Variants in PIEZO1 observed in about 807,000 individuals in gnomAD.
PIEZO1 encodes piezo type mechanosensitive ion channel component 1 (Er blood group), also known as piezo-type mechanosensitive ion channel component 1.
PIEZO1 carries 296 observed loss-of-function variants against 297.2 expected under a neutral mutation model. The observed-to-expected ratio is 1.00, with a 90% CI of 0.91 to 1.10. The LOEUF (loss-of-function observed/expected upper bound fraction) is 1.10. Among genes scored for constraint, PIEZO1 ranks in the 50% least tolerant of loss-of-function variants. The pLI, the probability that PIEZO1 is intolerant of heterozygous loss-of-function variation, is 0.00. For missense variants in PIEZO1, 5,018 were observed against 3,455.5 expected, an observed-to-expected ratio of 1.45 and a Z score of -11.34; for synonymous variants, 2,427 against 1,507.5, an observed-to-expected ratio of 1.61 and a Z score of -14.13.
chr16:88,725,377 G>A (rs138679156), intron 29 of PIEZO1, 39 bp downstream of exon 29: 2 of 1,223,090 alleles, frequency 1.6e-6, no homozygotes, highest in South Asian at 3.1e-5. Flanking sequence ...AGACATGCTG[G>A]ACACGGGGCC....
chr16:88,765,287 C>T (rs1052213843), intron 1 of PIEZO1, among the ~76,000 whole-genome samples: 5 of 152,190 alleles, frequency 3.3e-5, no homozygotes, highest in African/African-American at 1.2e-4. Context: ...GGGGGTGTCA[C>T]GGGCAGGTGT....
At position 88,738,564 on chromosome 16, in the gene PIEZO1, G is replaced by C. The variant is rs751260402; in HGVS notation, c.634+4C>G. 6.5e-7 allele frequency: 1 copy of C among 1,534,612 alleles called. No individual in the cohort carries two copies. The highest frequency in any genetic ancestry group is 1.7e-4 in the Middle Eastern group (1 of 5,968). On this transcript the variant is annotated splice_donor_region_variant and intron_variant, in intron 6 of 50. Coordinates refer to ENST00000301015, the MANE Select transcript of PIEZO1 (RefSeq NM_001142864.4). ...CTGCCAGTGCCCCCTGCCTCGGTGC[G>C]TACCTGCCAGTGCAAGCAGTGTTAC...
At chr16:88,764,822 C>T (rs1024172551) in intron 1 of PIEZO1, among the ~76,000 whole-genome samples, 1 of 152,116 alleles carries the variant, frequency 6.6e-6, no homozygotes, top group Non-Finnish European at 1.5e-5. Context: ...CAGCATCATG[C>T]CGTGACCTCC....
intron 22 of PIEZO1, among the ~76,000 whole-genome samples, chr16:88,730,902 A>G (rs1904757976): frequency 6.6e-6 from 1 of 152,216 alleles, no homozygotes. Flanking sequence ...CAGCAGAGAG[A>G]AAGTCTGTTT....
intron 36 of PIEZO1, 54 bp downstream of exon 36, chr16:88,722,164 G>A (rs542359111): frequency 2.9e-5 from 45 of 1,526,344 alleles, no homozygotes; most frequent in East Asian, 2.2e-4. Flanking sequence ...GCCCCTGTTC[G>A]GCTGCTCCCC....
Position 88,765,593 on chromosome 16 carries a change from A to G in PIEZO1, c.65-16114T>C, listed in dbSNP as rs910639883. 2.0e-5 allele frequency among the ~76,000 whole-genome samples: 3 copies of G among 152,064 alleles called. No individual in the cohort carries two copies. In the East Asian group the frequency reaches 5.8e-4, roughly 29 times the overall value. Reference sequence around the variant, plus strand: ...ACGTGGCCAGGTGAGCACCTCGTATAGCTGGCAAGGGGCTGGACAGCAGCG... The same window carrying G: ...ACGTGGCCAGGTGAGCACCTCGTATGGCTGGCAAGGGGCTGGACAGCAGCG... On this transcript the variant is annotated intron_variant, in intron 1 of 50. Transcript: ENST00000301015.
At chr16:88,729,523 G>T (rs1381202237) in intron 22 of PIEZO1, among the ~76,000 whole-genome samples, 1 of 128,552 alleles carries the variant, frequency 7.8e-6, no homozygotes, top group African/African-American at 2.9e-5. Flanking sequence ...GGGAACCCAG[G>T]ACATGCTGAA....
chr16:88,740,172 T>A (rs544903530), intron 5 of PIEZO1: 92 of 152,320 alleles, frequency 6.0e-4, no homozygotes, highest in African/African-American at 2.2e-3. Context: ...CAAACACGTG[T>A]GTGTGTTGCC....
Position 88,726,876 on chromosome 16 carries a change from T to G in PIEZO1, c.3538A>C (p.Thr1180Pro), listed in dbSNP as rs1904481574. 1.3e-6 allele frequency: 2 copies of G among 1,550,054 alleles called. No individual in the cohort carries two copies. The highest frequency in any genetic ancestry group is 3.9e-5 in the Admixed American group (2 of 50,964). The change falls in exon 25 of 51, where the codon ACC becomes CCC. Residue 1180 changes from threonine (T) to proline (P), a missense_variant. Physicochemically the swap from Thr to Pro is conservative, Grantham distance 38. Coordinates refer to ENST00000301015, the MANE Select transcript of PIEZO1 (RefSeq NM_001142864.4). ...CCCAGCCCGAAGATGCTGATGCGGG[T>G]GGCCCCCGTGACAAACACCACCACC... is the stretch of plus-strand genomic sequence containing the variant. ...VLVVVFVTGATRISIFGLGYL... is the reference protein window; with the variant it reads ...VLVVVFVTGAPRISIFGLGYL...
chr16:88,729,750 A>C (rs1187576804), intron 22 of PIEZO1, among the ~76,000 whole-genome samples: 2 of 138,196 alleles, frequency 1.4e-5, no homozygotes, highest in African/African-American at 5.4e-5. Flanking sequence ...ACACAAAAAC[A>C]AAGTGACCCT....
At chr16:88,746,006 C>A (rs1906033083) in intron 2 of PIEZO1, among the ~76,000 whole-genome samples, 1 of 152,202 alleles carries the variant, frequency 6.6e-6, no homozygotes, top group Non-Finnish European at 1.5e-5. Context: ...CCTGATTGTT[C>A]TGTGGGGAGT....
Position 88,733,649 on chromosome 16 carries a change from A to C in PIEZO1, c.2426T>G (p.Leu809Arg). 3 of 1,549,794 alleles carry C rather than the reference A, an allele frequency of 1.9e-6. No individual in the cohort carries two copies. Among genetic ancestry groups the C allele is most frequent in the Non-Finnish European group, 2.6e-6 (3 of 1,146,570 alleles). ...CAGCTTGAAAACGTGAAGCTCCAGC[A>C]GCCGCCGCAGGAACACCTGCACGCG... Reference protein sequence around the residue: ...LSRVQVFLRRLLELHVFKLVA... With the variant: ...LSRVQVFLRRRLELHVFKLVA... The change falls in exon 18 of 51, where the codon CTG (leucine) becomes CGG (arginine). Residue 809 changes from leucine (L) to arginine (R), a missense_variant. Physicochemically the swap from Leu to Arg is moderately radical, Grantham distance 102. Transcript: ENST00000301015.
Position 88,751,818 on chromosome 16 carries a change from T to C in PIEZO1, c.65-2339A>G, listed in dbSNP as rs561678973. ...GCCCCAGTCCTGTCCCCAGAGAAGG[T>C]GGCACCTCCCCTCTGCACCTGTCCA... On this transcript the variant is annotated intron_variant, in intron 1 of 50. Transcript: ENST00000301015. Among the ~76,000 whole-genome samples the C allele has an allele frequency of 9.2e-4, 140 of 152,240 alleles. 1 individual carries two copies. Among genetic ancestry groups the C allele is most frequent in the African/African-American group, 3.1e-3 (128 of 41,526 alleles).
At chr16:88,737,408 C>T in intron 10 of PIEZO1, 151 bp downstream of exon 10, 1 of 591,410 alleles carries the variant, frequency 1.7e-6, no homozygotes. Context: ...GGGTCACTGA[C>T]ACCGACCCGT....
At chr16:88,736,911 C>A (rs927493266) in intron 10 of PIEZO1, 172 bp from the exon 11 acceptor site, 3 of 503,450 alleles carry the variant, frequency 6.0e-6, no homozygotes, top group African/African-American at 4.2e-5. Flanking sequence ...CGTCCCTGAG[C>A]GTCAGGGATG....
At chr16:88,721,043 C>T in intron 39 of PIEZO1, 123 bp downstream of exon 39, 1 of 1,062,606 alleles carries the variant, frequency 9.4e-7, no homozygotes, top group South Asian at 1.7e-5. Context: ...GAAGTGGCAC[C>T]TTCCTGGGAT....
At chr16:88,751,861 C>T (rs2142867633) in intron 1 of PIEZO1, among the ~76,000 whole-genome samples, 1 of 152,284 alleles carries the variant, frequency 6.6e-6, no homozygotes, top group African/African-American at 2.4e-5. Context: ...GGCAGCCGTC[C>T]ATGCATCCGT....
rs534406578 is a variant in PIEZO1 at position 88,779,131 on chromosome 16, T to A, written c.64+5770A>T. ...ACTGTGGCTCACTGCAACCTCTACCTCCTGGGTTCCGGCGATTCTCCTGTC... is the reference window on the plus strand; with the variant it reads ...ACTGTGGCTCACTGCAACCTCTACCACCTGGGTTCCGGCGATTCTCCTGTC... On this transcript the variant is annotated intron_variant, in intron 1 of 50. Coordinates refer to ENST00000301015, the MANE Select transcript of PIEZO1 (RefSeq NM_001142864.4). Among the ~76,000 whole-genome samples the A allele has an allele frequency of 2.0e-5, 3 of 148,568 alleles. No individual in the cohort carries two copies. The East Asian group carries it at 6.0e-4, about 30-fold the overall frequency.
chr16:88,782,824 C>G (rs1907994921), intron 1 of PIEZO1, among the ~76,000 whole-genome samples: 1 of 144,212 alleles, frequency 6.9e-6, no homozygotes. Flanking sequence ...GCCAGAGAGC[C>G]TGACTCAGGA....
Sources: gnomAD v4.1 joint callset for allele counts (sites outside exome capture counted in the v4.1 genomes callset) on GRCh38, gnomAD v4.1.1 for gene constraint, MANE v1.5 for transcripts, NCBI Gene and HGNC (gene_info 2026-07-23, HGNC 2026-07-21) for gene names.